SPATA17: variants seen among roughly 807,000 people sequenced by gnomAD.
SPATA17 encodes the protein spermatogenesis associated 17.
In SPATA17, 53 loss-of-function variants were observed where a neutral mutation model predicts 62.2. The ratio of observed to expected loss-of-function variants is 0.85; its 90% confidence interval spans 0.68 to 1.07. The LOEUF (loss-of-function observed/expected upper bound fraction) is 1.07. Ranked by LOEUF, SPATA17 falls within the 50% of genes least tolerant of loss-of-function variation. The pLI, the probability that SPATA17 is intolerant of heterozygous loss-of-function variation, is 0.00. For synonymous variants in SPATA17, 146 were observed against 146.8 expected (o/e 0.99, Z 0.04); for missense variants, 466 against 425.5 (o/e 1.10, Z -0.84).
At chr1:217,713,252 A>T (rs966858555) in intron 5 of SPATA17, among the ~76,000 whole-genome samples, 2 of 151,824 alleles carry the variant, frequency 1.3e-5, no homozygotes, top group African/African-American at 2.4e-5. Flanking sequence ...TTCCTTCAGG[A>T]TGTTTTTTTT....
intron 5 of SPATA17, among the ~76,000 whole-genome samples, chr1:217,739,100 A>G (rs1461438159): frequency 6.6e-6 from 1 of 152,240 alleles, no homozygotes; most frequent in Non-Finnish European, 1.5e-5. Context: ...ACATTCAAAT[A>G]TGTAAAGCTT....
Position 217,683,252 on chromosome 1 carries a change from T to G in SPATA17, c.292-6T>G. The G allele has an allele frequency of 1.9e-6, 3 of 1,578,364 alleles. No individual in the cohort carries two copies. Among genetic ancestry groups the G allele is most frequent in the Non-Finnish European group, 2.6e-6 (3 of 1,157,268 alleles). ...GCATATTTTATCTCTTTATTTACTTTAATAGATTCAGAGACGATGGCGAGG... is the reference window on the plus strand; with the variant it reads ...GCATATTTTATCTCTTTATTTACTTGAATAGATTCAGAGACGATGGCGAGG... On this transcript the variant is annotated splice_region_variant and splice_polypyrimidine_tract_variant and intron_variant, in intron 4 of 10. Coordinates refer to ENST00000366933, the MANE Select transcript of SPATA17 (RefSeq NM_138796.4).
intron 9 of SPATA17, among the ~76,000 whole-genome samples, chr1:217,834,173 AT>A (rs1247821480): frequency 1.1e-4 from 16 of 152,290 alleles, no homozygotes; most frequent in African/African-American, 3.8e-4. Context: ...GCTGGTGTAA[AT>A]AAACCTATTG....
intron 6 of SPATA17, among the ~76,000 whole-genome samples, chr1:217,760,998 A>G (rs949426978): frequency 6.6e-6 from 1 of 152,214 alleles, no homozygotes; most frequent in Non-Finnish European, 1.5e-5. Context: ...AAGCCAGCTC[A>G]GAATACGTAG....
At chr1:217,652,014 C>G (rs1038785837) in intron 3 of SPATA17, among the ~76,000 whole-genome samples, 2 of 152,154 alleles carry the variant, frequency 1.3e-5, no homozygotes, top group African/African-American at 4.8e-5. Flanking sequence ...ACAGTTGTCT[C>G]GTAATTGCCA....
At chr1:217,632,924 T>G (rs1262437171) in intron 1 of SPATA17, among the ~76,000 whole-genome samples, 1 of 152,076 alleles carries the variant, frequency 6.6e-6, no homozygotes, top group Non-Finnish European at 1.5e-5. Context: ...CTAGCTGGGC[T>G]CAGTGGCTCA....
intron 5 of SPATA17, among the ~76,000 whole-genome samples, chr1:217,732,966 C>G (rs1672432315): frequency 6.6e-6 from 1 of 151,714 alleles, no homozygotes; most frequent in African/African-American, 2.4e-5. Flanking sequence ...AGAAAGAATA[C>G]TATACAAAAA....
chr1:217,659,903 A>G (rs575894795), intron 3 of SPATA17, among the ~76,000 whole-genome samples: 154 of 152,340 alleles, frequency 1.0e-3, no homozygotes, highest in African/African-American at 3.7e-3. Flanking sequence ...CCATGCCTGT[A>G]GTCCTCCTTC....
chr1:217,845,224 T>C lies in SPATA17; in HGVS notation c.1006-17550T>C, dbSNP rs1011053646. ...TGCTTTTCATCCATGTCTTTTAACA[T>C]GTGGACCAATTTTTCTTCCATAGGC... On this transcript the variant is annotated intron_variant, in intron 9 of 10. Transcript: ENST00000366933. Among the ~76,000 whole-genome samples, 6 of 152,222 alleles carry C rather than the reference T, an allele frequency of 3.9e-5. No homozygotes were observed. The East Asian group carries it at 1.2e-3, about 30-fold the overall frequency.
At chr1:217,702,110 G>C (rs548937028) in intron 5 of SPATA17, among the ~76,000 whole-genome samples, 4 of 151,434 alleles carry the variant, frequency 2.6e-5, no homozygotes, top group Non-Finnish European at 5.9e-5. Context: ...ATAATGCTTT[G>C]TGTATTTAAA....
intron 9 of SPATA17, among the ~76,000 whole-genome samples, chr1:217,814,322 A>C (rs1231351542): frequency 6.6e-6 from 1 of 152,180 alleles, no homozygotes; most frequent in Non-Finnish European, 1.5e-5. Flanking sequence ...TTAGATTATT[A>C]ATAGCTGTAC....
intron 8 of SPATA17, among the ~76,000 whole-genome samples, chr1:217,784,560 T>A (rs553300098): frequency 6.6e-6 from 1 of 152,186 alleles, no homozygotes; most frequent in African/African-American, 2.4e-5. Flanking sequence ...CCTGAAACTC[T>A]ATTTTCCTGT....
At chr1:217,708,801 A>T (rs570050600) in intron 5 of SPATA17, among the ~76,000 whole-genome samples, 1 of 152,276 alleles carries the variant, frequency 6.6e-6, no homozygotes, top group East Asian at 1.9e-4. Context: ...ATAGCAAACC[A>T]TATCCAGCAG....
intron 6 of SPATA17, among the ~76,000 whole-genome samples, chr1:217,749,165 G>C (rs1672839749): frequency 6.6e-6 from 1 of 152,156 alleles, no homozygotes; most frequent in Non-Finnish European, 1.5e-5. Flanking sequence ...TACCTGTAAT[G>C]ACTTTCTGGA....
At chr1:217,662,743 A>G (rs1230082591) in intron 3 of SPATA17, among the ~76,000 whole-genome samples, 6 of 152,154 alleles carry the variant, frequency 3.9e-5, no homozygotes, top group Non-Finnish European at 4.4e-5. Flanking sequence ...TTTAAAAGTG[A>G]TAAGAGATTG....
At chr1:217,651,430 T>C in intron 3 of SPATA17, among the ~76,000 whole-genome samples, 1 of 152,214 alleles carries the variant, frequency 6.6e-6, no homozygotes, top group East Asian at 1.9e-4. Context: ...TTTCACAGTA[T>C]GCATTTATAC....
At chr1:217,652,164 T>A (rs1272751330) in intron 3 of SPATA17, among the ~76,000 whole-genome samples, 2 of 152,226 alleles carry the variant, frequency 1.3e-5, no homozygotes, top group Non-Finnish European at 2.9e-5. Flanking sequence ...CTGTTTCTAC[T>A]ATGCTGTGCT....
chr1:217,638,864 C>T (rs746905533), intron 1 of SPATA17, among the ~76,000 whole-genome samples: 1 of 151,966 alleles, frequency 6.6e-6, no homozygotes, highest in African/African-American at 2.4e-5. Context: ...AGAATAGTCA[C>T]TACTGAAATA....
chr1:217,805,060 A>G (rs574636766), intron 9 of SPATA17, among the ~76,000 whole-genome samples: 2 of 152,200 alleles, frequency 1.3e-5, no homozygotes, highest in Non-Finnish European at 2.9e-5. Flanking sequence ...AAATCCATAT[A>G]TTGAAGAGAT....
Sources: gnomAD v4.1 joint callset for allele counts (sites outside exome capture counted in the v4.1 genomes callset) on GRCh38, gnomAD v4.1.1 for gene constraint, MANE v1.5 for transcripts, NCBI Gene and HGNC (gene_info 2026-07-23, HGNC 2026-07-21) for gene names.